Variants in DLC1 observed in about 807,000 individuals in gnomAD.
The protein encoded by DLC1 is DLC1 Rho GTPase activating protein, also known as rho GTPase-activating protein 7.
In DLC1, 54 loss-of-function variants were observed where a neutral mutation model predicts 140.3. The ratio of observed to expected loss-of-function variants is 0.38; its 90% CI spans 0.31 to 0.48. The LOEUF is 0.48. Among genes scored for constraint, DLC1 ranks in the 20% least tolerant of loss-of-function variants. The pLI is 0.96. For missense variants in DLC1, 2,536 were observed against 1,907.0 expected (o/e 1.33, Z -6.14); for synonymous variants, 986 against 728.1 (o/e 1.35, Z -5.70).
Position 13,099,435 on chromosome 8 carries a change from C to T in DLC1, c.2902G>A (p.Gly968Ser), listed in dbSNP as rs1020889796. 6 of 1,614,032 alleles carry T rather than the reference C, an allele frequency of 3.7e-6. No homozygotes were observed. Among genetic ancestry groups the T allele is most frequent in the Non-Finnish European group, 5.1e-6 (6 of 1,180,044 alleles). Residue 968 changes from glycine (G) to serine (S), a missense_variant, in exon 9 of 18, where the codon GGC becomes AGC. Physicochemically the swap from Gly to Ser is moderately conservative, Grantham distance 56. Coordinates refer to ENST00000276297, the MANE Select transcript of DLC1 (RefSeq NM_182643.3). ...TCTTCCGGTTCATTCAGGGAGTTGC[C>T]TGTGCTGTCCAGGTCGCTGGGTGTG... ...RTTPSDLDST[G>S]NSLNEPEEPS... is the part of the protein sequence containing the mutation.
At chr8:13,263,952 A>C (rs1450929452) in intron 5 of DLC1, among the ~76,000 whole-genome samples, 1 of 152,046 alleles carries the variant, frequency 6.6e-6, no homozygotes, top group East Asian at 1.9e-4. Context: ...GCAAATACTT[A>C]TGTAAGCACA....
chr8:13,583,265 C>G (rs1388529162), intron 1 of DLC1, among the ~76,000 whole-genome samples: 1 of 152,188 alleles, frequency 6.6e-6, no homozygotes, highest in Non-Finnish European at 1.5e-5. Context: ...AACTGTGCAG[C>G]TGTTTATCAA....
intron 13 of DLC1, among the ~76,000 whole-genome samples, chr8:13,092,138 G>A (rs987179143): frequency 2.6e-4 from 39 of 152,226 alleles, no homozygotes; most frequent in Middle Eastern, 3.4e-3. Context: ...CCAGCTACTC[G>A]GGAGGCTGAG....
At position 13,296,033 on chromosome 8, in the gene DLC1, C is replaced by T. The variant is rs146830062; in HGVS notation, c.1348+9236G>A. 1.5e-3 allele frequency among the ~76,000 whole-genome samples: 211 copies of T among 141,984 alleles called. 1 individual carries two copies. The highest frequency in any genetic ancestry group is 5.3e-3 in the African/African-American group (204 of 38,218). 93.1% of individuals were successfully genotyped at this position (141,984 alleles called of 152,430 possible). ...AGTAGGGCGATCTTGGCTCACTGCACCCTCCATCACCTCCCAGGTTCAAGC... is the reference window on the plus strand; with the variant it reads ...AGTAGGGCGATCTTGGCTCACTGCATCCTCCATCACCTCCCAGGTTCAAGC... On this transcript the variant is annotated intron_variant, in intron 5 of 17. Transcript: ENST00000276297.
intron 3 of DLC1, among the ~76,000 whole-genome samples, 165 bp from the exon 4 acceptor site, chr8:13,393,858 T>C (rs1340045322): frequency 1.3e-5 from 2 of 152,218 alleles, no homozygotes; most frequent in African/African-American, 4.8e-5. Flanking sequence ...TCATGCATTA[T>C]TTGGTAAGAA....
intron 1 of DLC1, among the ~76,000 whole-genome samples, chr8:13,562,108 A>G (rs79996803): frequency 0.072 from 10,960 of 152,162 alleles, 514 homozygotes; most frequent in African/African-American, 0.12. Context: ...ATATGTGTTA[A>G]AATTCACAGA....
chr8:13,177,063 T>C (rs1825796574), intron 5 of DLC1, among the ~76,000 whole-genome samples: 1 of 152,220 alleles, frequency 6.6e-6, no homozygotes, highest in Non-Finnish European at 1.5e-5. Context: ...CTTATAATAA[T>C]ATAACCAAGT....
intron 4 of DLC1, among the ~76,000 whole-genome samples, chr8:13,313,624 C>T (rs906279150): frequency 6.6e-6 from 1 of 152,152 alleles, no homozygotes; most frequent in African/African-American, 2.4e-5. Context: ...TAAAAAGCAA[C>T]TACTGTATGT....
At chr8:13,366,853 C>T (rs181307695) in intron 4 of DLC1, among the ~76,000 whole-genome samples, 1 of 152,214 alleles carries the variant, frequency 6.6e-6, no homozygotes, top group African/African-American at 2.4e-5. Context: ...CAGTCATTCT[C>T]CCTTCTGGCC....
intron 1 of DLC1, among the ~76,000 whole-genome samples, chr8:13,601,993 G>A (rs769139875): frequency 9.9e-5 from 15 of 151,584 alleles, no homozygotes; most frequent in South Asian, 2.1e-4. Context: ...GGCTACCAAC[G>A]TCATAAAAAG....
chr8:13,091,553 T>G, intron 13 of DLC1, 121 bp from the exon 14 acceptor site: 1 of 757,704 alleles, frequency 1.3e-6, no homozygotes, highest in Non-Finnish European at 2.1e-6. Flanking sequence ...CTGTTTATTG[T>G]TAAGTGGATT....
chr8:13,342,836 T>TTCTCTCTCTCTCTCTCTC (rs1206303018), intron 4 of DLC1: 65 of 126,270 alleles, frequency 5.1e-4, no homozygotes, highest in African/African-American at 1.5e-3. Context: ...TCAGTTGTGC[T>TTCTCTCTCTCTCTCTCTC]TCTCTCTCTC....
chr8:13,153,757 C>G (rs1221546362), intron 5 of DLC1, among the ~76,000 whole-genome samples: 3 of 152,114 alleles, frequency 2.0e-5, no homozygotes, highest in East Asian at 3.9e-4. Flanking sequence ...TGTTTACAAA[C>G]CTAGAGGTAG....
chr8:13,387,491 A>AT (rs143194731), intron 4 of DLC1, among the ~76,000 whole-genome samples: 26,045 of 151,296 alleles, frequency 0.17, 2,401 homozygotes, highest in African/African-American at 0.2. Flanking sequence ...GAATTTCAAG[A>AT]TTTTTTTTTC....
At chr8:13,495,455 C>T (rs1801457420) in intron 2 of DLC1, among the ~76,000 whole-genome samples, 1 of 152,136 alleles carries the variant, frequency 6.6e-6, no homozygotes, top group Non-Finnish European at 1.5e-5. Flanking sequence ...CATATGTCAC[C>T]CAACCTTATG....
chr8:13,319,670 C>T (rs1309607733), intron 4 of DLC1, among the ~76,000 whole-genome samples: 3 of 152,242 alleles, frequency 2.0e-5, no homozygotes, highest in Middle Eastern at 3.4e-3. Flanking sequence ...GCCATGCTTC[C>T]TGTTCAGTGT....
intron 4 of DLC1, among the ~76,000 whole-genome samples, chr8:13,365,555 C>G (rs773743851): frequency 1.4e-4 from 22 of 152,098 alleles, no homozygotes; most frequent in Non-Finnish European, 2.8e-4. Flanking sequence ...TGAGATGTTA[C>G]CAATTTCTCT....
intron 5 of DLC1, among the ~76,000 whole-genome samples, chr8:13,260,392 TGGACA>T (rs1830427884): frequency 6.6e-6 from 1 of 152,050 alleles, no homozygotes; most frequent in Non-Finnish European, 1.5e-5. Flanking sequence ...ACACAGAAGG[TGGACA>T]GGACAGGATT....
chr8:13,374,340 C>T (rs945350105), intron 4 of DLC1, among the ~76,000 whole-genome samples: 3 of 151,972 alleles, frequency 2.0e-5, no homozygotes, highest in Non-Finnish European at 4.4e-5. Flanking sequence ...TAGAATTTTA[C>T]TTAGGTCACA....
Sources: gnomAD v4.1 joint callset for allele counts (sites outside exome capture counted in the v4.1 genomes callset) on GRCh38, gnomAD v4.1.1 for gene constraint, MANE v1.5 for transcripts, NCBI Gene and HGNC (gene_info 2026-07-23, HGNC 2026-07-21) for gene names.